GRIK4: variants seen among roughly 807,000 people sequenced by gnomAD.
The protein encoded by GRIK4 is glutamate receptor ionotropic, kainate 4.
GRIK4 carries 40 observed loss-of-function variants against 104.9 expected under a neutral mutation model. The observed-to-expected ratio is 0.38, with a 90% CI of 0.30 to 0.50. GRIK4 has a LOEUF of 0.50. GRIK4 is among the 20% of genes least tolerant of loss of function. The probability of loss-of-function intolerance (pLI) is 0.93; values close to 1 mark genes in which losing one functional copy is unlikely to be tolerated. For synonymous variants in GRIK4, 485 were observed against 524.9 expected, an observed-to-expected ratio of 0.92 and a Z score of 1.04; for missense variants, 1,047 against 1,308.1, an observed-to-expected ratio of 0.80 and a Z score of 3.08.
intron 3 of GRIK4, among the ~76,000 whole-genome samples, chr11:120,744,172 C>G (rs1175813936): frequency 6.6e-6 from 1 of 152,142 alleles, no homozygotes; most frequent in Non-Finnish European, 1.5e-5. Context: ...ACAAGCTGCC[C>G]AGGGGGAATG....
intron 13 of GRIK4, among the ~76,000 whole-genome samples, chr11:120,912,614 A>C (rs1310585795): frequency 6.6e-6 from 1 of 152,208 alleles, no homozygotes; most frequent in Admixed American, 6.5e-5. Context: ...AATTGTGAAC[A>C]AGAAGAGTGA....
chr11:120,560,879 G>A (rs558087660), intron 1 of GRIK4, among the ~76,000 whole-genome samples: 141 of 152,294 alleles, frequency 9.3e-4, no homozygotes, highest in African/African-American at 3.2e-3. Context: ...GTATGATCTC[G>A]TGGGGGATTT....
At chr11:120,757,973 A>G (rs1951681990) in intron 3 of GRIK4, among the ~76,000 whole-genome samples, 1 of 152,202 alleles carries the variant, frequency 6.6e-6, no homozygotes, top group Non-Finnish European at 1.5e-5. Flanking sequence ...CTGATGTCCA[A>G]GCTTCTTGGA....
At chr11:120,954,938 T>A (rs1012230450) in intron 15 of GRIK4, among the ~76,000 whole-genome samples, 3 of 151,990 alleles carry the variant, frequency 2.0e-5, no homozygotes, top group African/African-American at 7.3e-5. Flanking sequence ...GGGGGTGGAA[T>A]GACAAGAGGC....
In GRIK4 at chr11:120,848,013, G is replaced by A. The variant is rs145488903; in HGVS notation, c.744+11169G>A. 6.4e-4 allele frequency among the ~76,000 whole-genome samples: 97 copies of A among 152,334 alleles called. No individual in the cohort carries two copies. The East Asian group carries it at 0.011, about 17-fold the overall frequency. Reference sequence around the variant, plus strand: ...TAGCCTTGGTTCGCTTCCAGTGCCAGCTAGGAATAAGTATCTGAAAGGTGA... The same window carrying A: ...TAGCCTTGGTTCGCTTCCAGTGCCAACTAGGAATAAGTATCTGAAAGGTGA... On this transcript the variant is annotated intron_variant, in intron 8 of 20. Coordinates refer to ENST00000527524, the MANE Select transcript of GRIK4 (RefSeq NM_014619.5).
chr11:120,905,893 G>C lies in GRIK4; in HGVS notation c.1476+400G>C, dbSNP rs1388645128. ...CCCACATCAGCTGGCTTGGATCCTT[G>C]AGAGACACTGCCAAGGGAGACGTGG... On this transcript the variant is annotated intron_variant, in intron 13 of 20. Coordinates refer to ENST00000527524, the MANE Select transcript of GRIK4 (RefSeq NM_014619.5). This position sits in a 1 kb window ranked among gnomAD's most constrained non-coding sequence, Gnocchi z 5.1. Among the ~76,000 whole-genome samples, 1 of 152,204 alleles carries C rather than the reference G, an allele frequency of 6.6e-6. No homozygotes were observed. Among genetic ancestry groups the C allele is most frequent in the Non-Finnish European group, 1.5e-5 (1 of 68,040 alleles).
intron 1 of GRIK4, chr11:120,620,009 GAGC>G: frequency 9.5e-6 from 5 of 525,880 alleles, no homozygotes; most frequent in Non-Finnish European, 1.7e-5. Flanking sequence ...AATCTCGGTG[GAGC>G]TGTTAGCGTA....
chr11:120,947,605 G>A (rs1943893579), intron 14 of GRIK4, among the ~76,000 whole-genome samples: 1 of 152,168 alleles, frequency 6.6e-6, no homozygotes, highest in South Asian at 2.1e-4. Flanking sequence ...AAAATGAATA[G>A]AGTTCTGTTC....
chr11:120,853,026 G>A (rs1289674451), intron 8 of GRIK4, among the ~76,000 whole-genome samples: 2 of 152,192 alleles, frequency 1.3e-5, no homozygotes, highest in Non-Finnish European at 1.5e-5. Flanking sequence ...TATATGGGGT[G>A]CACCAGAGTG....
intron 1 of GRIK4, among the ~76,000 whole-genome samples, chr11:120,560,238 G>A (rs1325408117): frequency 6.6e-6 from 1 of 152,076 alleles, no homozygotes; most frequent in African/African-American, 2.4e-5. Flanking sequence ...TTTTAGTAGA[G>A]ATGGTGTTTC....
chr11:120,976,693 C>T (rs1225998948), intron 19 of GRIK4, among the ~76,000 whole-genome samples: 2 of 152,196 alleles, frequency 1.3e-5, no homozygotes, highest in African/African-American at 4.8e-5. Flanking sequence ...GATCTGTTGA[C>T]CAATGTCAAA....
chr11:120,666,100 G>A (rs1949910163), intron 3 of GRIK4, among the ~76,000 whole-genome samples: 1 of 152,214 alleles, frequency 6.6e-6, no homozygotes, highest in Non-Finnish European at 1.5e-5. Flanking sequence ...CCCTTTTGGT[G>A]GTGCCAGGAC....
Position 120,549,087 on chromosome 11 carries a change from C to T in GRIK4, c.-159+37200C>T, listed in dbSNP as rs1185689093. 6.6e-6 allele frequency among the ~76,000 whole-genome samples: 1 copy of T among 151,822 alleles called. No homozygotes were observed. The highest frequency in any genetic ancestry group is 2.4e-5 in the African/African-American group (1 of 41,332). ...GGTATGAAGGGGGCTCTGAAGGATG[C>T]CTGTTTCCTGGCTGTTTTTTTTTTT... On this transcript the variant is annotated intron_variant, in intron 1 of 20. Transcript: ENST00000527524. The surrounding 1 kb of genome is among the most constrained non-coding windows in gnomAD (Gnocchi z 4.7).
rs780129685 is a variant in GRIK4, at chr11:120,905,470, A to G, written c.1453A>G (p.Met485Val). Reference sequence around the variant, plus strand: ...CGAGGCCAACGGCACCTGGACGGGAATGGTCGGGGAGCTGATCGCTAGGGT... The same window carrying G: ...CGAGGCCAACGGCACCTGGACGGGAGTGGTCGGGGAGCTGATCGCTAGGGT... ...VPEANGTWTG[M>V]VGELIARKAD... is the part of the protein sequence containing the mutation. Residue 485 changes from methionine (M) to valine (V), a missense_variant, in exon 13 of 21, where the codon ATG becomes GTG. Met to Val is a conservative substitution (Grantham distance 21). Around this residue, in one of 3 missense-constraint regions of GRIK4, gnomAD observed 440 missense variants for 652.3 expected, o/e 0.67. Coordinates refer to ENST00000527524, the MANE Select transcript of GRIK4 (RefSeq NM_014619.5). The surrounding 1 kb of genome is among the most constrained non-coding windows in gnomAD (Gnocchi z 5.1). 7.4e-7 allele frequency: 1 copy of G among 1,356,348 alleles called. No individual in the cohort carries two copies. Among genetic ancestry groups the G allele is most frequent in the Non-Finnish European group, 9.8e-7 (1 of 1,018,012 alleles). 84.0% of individuals were successfully genotyped at this position (1,356,348 alleles called of 1,614,324 possible).
At position 120,905,510 on chromosome 11, in the gene GRIK4, T is replaced by TCGGG; in HGVS notation, c.1476+17_1476+18insCGGG. ...ATCGCTAGGGTAAGGAGAGGACAAGTGATCTGGGCCTGAGGGTGGGCTGGG... is the reference window on the plus strand; with the variant it reads ...ATCGCTAGGGTAAGGAGAGGACAAGTCGGGGATCTGGGCCTGAGGGTGGGCTGGG... On this transcript the variant is annotated intron_variant, in intron 13 of 20. Transcript: ENST00000527524. This position sits in a 1 kb window ranked among gnomAD's most constrained non-coding sequence, Gnocchi z 5.1. The TCGGG allele has an allele frequency of 1.4e-6, 2 of 1,442,756 alleles. No individual in the cohort carries two copies. The highest frequency in any genetic ancestry group is 1.1e-5 in the South Asian group (1 of 87,800). The allele number at this position is 1,442,756 out of a possible 1,614,324, so 89.4% of individuals were successfully genotyped here. A position where few individuals can be genotyped will look rare whatever the true frequency, so the allele number is the denominator to read the frequency against.
At chr11:120,598,715 G>T (rs1948839809) in intron 1 of GRIK4, among the ~76,000 whole-genome samples, 1 of 152,158 alleles carries the variant, frequency 6.6e-6, no homozygotes, top group South Asian at 2.1e-4. Flanking sequence ...GCTCGCCCAG[G>T]CCTGACCTCT....
intron 3 of GRIK4, among the ~76,000 whole-genome samples, chr11:120,785,456 C>T (rs1335882427): frequency 2.6e-5 from 4 of 152,058 alleles, no homozygotes; most frequent in East Asian, 3.8e-4. Flanking sequence ...ACAAAGTGGC[C>T]GTATACATAG....
intron 3 of GRIK4, among the ~76,000 whole-genome samples, chr11:120,742,689 T>A (rs895972801): frequency 1.3e-4 from 20 of 152,138 alleles, no homozygotes; most frequent in African/African-American, 4.8e-4. Flanking sequence ...GTTCAACCAT[T>A]GTGGAAAGCA....
intron 1 of GRIK4, among the ~76,000 whole-genome samples, chr11:120,634,569 G>A (rs1949372744): frequency 6.6e-6 from 1 of 152,076 alleles, no homozygotes; most frequent in Non-Finnish European, 1.5e-5. Flanking sequence ...CTGCCGGCCT[G>A]CCTACCCCAG....
Sources: gnomAD v4.1 joint callset for allele counts (sites outside exome capture counted in the v4.1 genomes callset) on GRCh38, gnomAD v4.1.1 for gene constraint, gnomAD v4.1.1 regional missense constraint, Gnocchi (gnomAD v3.1) non-coding constraint, MANE v1.5 for transcripts, NCBI Gene and HGNC (gene_info 2026-07-23, HGNC 2026-07-21) for gene names.